GALK2: variants seen among roughly 807,000 people sequenced by gnomAD.
The protein encoded by GALK2 is N-acetylgalactosamine kinase.
A neutral mutation model predicts 52.4 loss-of-function variants in GALK2; 36 were observed. That is an observed-to-expected ratio of 0.69 (90% CI 0.53 to 0.91). The LOEUF is 0.91. GALK2 is among the 40% of genes least tolerant of loss of function. The pLI is 0.00. For synonymous variants in GALK2, 176 were observed against 199.1 expected (o/e 0.88, Z 0.98); for missense variants, 579 against 559.1 (o/e 1.04, Z -0.36).
chr15:49,195,251 T>G, intron 1 of GALK2: 1 of 338,992 alleles, frequency 2.9e-6, no homozygotes, highest in Non-Finnish European at 5.8e-6. Flanking sequence ...TTTTGTATTT[T>G]TAGTAGAGAT....
intron 1 of GALK2, among the ~76,000 whole-genome samples, chr15:49,200,260 A>G (rs2087623910): frequency 6.6e-6 from 1 of 152,168 alleles, no homozygotes; most frequent in South Asian, 2.1e-4. Context: ...GCCAAGAGAA[A>G]ATGATTTGCC....
intron 5 of GALK2, among the ~76,000 whole-genome samples, chr15:49,240,444 A>G (rs1347075592): frequency 1.3e-5 from 2 of 152,200 alleles, no homozygotes; most frequent in Admixed American, 6.5e-5. Flanking sequence ...CTCAACTTTC[A>G]CTATGCTTAT....
At chr15:49,256,063 C>A (rs541686223) in intron 5 of GALK2, among the ~76,000 whole-genome samples, 7 of 152,170 alleles carry the variant, frequency 4.6e-5, no homozygotes, top group Non-Finnish European at 1.0e-4. Context: ...ATTTCACTTG[C>A]AGTCACTTAG....
chr15:49,251,422 A>G (rs1289254288), intron 5 of GALK2, among the ~76,000 whole-genome samples: 1 of 152,142 alleles, frequency 6.6e-6, no homozygotes, highest in Non-Finnish European at 1.5e-5. Context: ...TGCCTTTGGG[A>G]ATTAGGGAAG....
At chr15:49,364,838 G>C (rs1257060849) in intron 3 of GALK2, among the ~76,000 whole-genome samples, 1 of 151,698 alleles carries the variant, frequency 6.6e-6, no homozygotes, top group African/African-American at 2.4e-5. Flanking sequence ...AAAAGCATAG[G>C]GATGGGTCAA....
intron 3 of GALK2, among the ~76,000 whole-genome samples, chr15:49,363,943 C>G (rs1364074714): frequency 6.6e-6 from 1 of 152,056 alleles, no homozygotes; most frequent in Non-Finnish European, 1.5e-5. Flanking sequence ...GTTGCATGAA[C>G]CTTGTGTCCA....
chr15:49,263,975 C>G (rs1344399804), intron 5 of GALK2, among the ~76,000 whole-genome samples: 1 of 151,792 alleles, frequency 6.6e-6, no homozygotes, highest in Admixed American at 6.6e-5. Flanking sequence ...GAGGGTAACC[C>G]GACCTTTCTC....
chr15:49,168,176 A>C (rs1263430044), upstream of GALK2, among the ~76,000 whole-genome samples: 1 of 152,222 alleles, frequency 6.6e-6, no homozygotes, highest in Non-Finnish European at 1.5e-5. Flanking sequence ...GGTTTTGTTG[A>C]GACTGCAATA....
intron 8 of GALK2, among the ~76,000 whole-genome samples, chr15:49,304,553 A>G (rs990040341): frequency 6.6e-6 from 1 of 152,186 alleles, no homozygotes; most frequent in Admixed American, 6.5e-5. Flanking sequence ...CATCACCCCT[A>G]TGCTCATTCG....
rs530008794 is a variant in GALK2, at chr15:49,275,551, T to A, written c.505-6436T>A. Reference sequence around the variant, plus strand: ...ATGGCAGCTGACTATAACAGTATAATTTTGTCTTGGTTAGAGCCTTGTGTT... The same window carrying A: ...ATGGCAGCTGACTATAACAGTATAAATTTGTCTTGGTTAGAGCCTTGTGTT... On this transcript the variant is annotated intron_variant, in intron 5 of 9. Transcript: ENST00000560031. Among the ~76,000 whole-genome samples the A allele has an allele frequency of 2.6e-5, 4 of 152,338 alleles. No individual in the cohort carries two copies. In the East Asian group the frequency reaches 7.7e-4, roughly 29 times the overall value.
At chr15:49,366,180 C>A in intron 3 of GALK2, 1 of 833,312 alleles carries the variant, frequency 1.2e-6, no homozygotes, top group South Asian at 1.3e-5. Context: ...ATAGTATAAT[C>A]AAAGTTAGGC....
At chr15:49,360,004 C>T (rs1005530464) in intron 3 of GALK2, among the ~76,000 whole-genome samples, 1 of 147,200 alleles carries the variant, frequency 6.8e-6, no homozygotes, top group Non-Finnish European at 1.5e-5. Context: ...AAACCAAACA[C>T]CGCATATTCT....
chr15:49,311,443 T>G (rs962778195), intron 8 of GALK2, among the ~76,000 whole-genome samples: 10 of 152,234 alleles, frequency 6.6e-5, no homozygotes, highest in Non-Finnish European at 1.2e-4. Flanking sequence ...GTTGCTTCTA[T>G]TTCTTTATCC....
chr15:49,330,749 A>AG lies in GALK2; in HGVS notation c.*2590_*2591insG, dbSNP rs539042143. On this transcript the variant is annotated 3_prime_UTR_variant, in exon 10 of 10. Coordinates refer to ENST00000560031, the MANE Select transcript of GALK2 (RefSeq NM_002044.4). ...AATAGTAGGGAAGATAGACCAAAAAAAAAAAAAAAGAGAGAAAGAATGAAT... is the reference window on the plus strand; with the variant it reads ...AATAGTAGGGAAGATAGACCAAAAAAGAAAAAAAAAGAGAGAAAGAATGAAT... 6.6e-6 allele frequency: 1 copy of AG among 152,192 alleles called. No homozygotes were observed. Among genetic ancestry groups the AG allele is most frequent in the East Asian group, 1.9e-4 (1 of 5,180 alleles). 9.4% of individuals were successfully genotyped at this position (152,192 alleles called of 1,614,324 possible).
rs537095892 is a variant in GALK2, at chr15:49,297,289, CTTG to C, written c.967+4756_967+4758del. Among the ~76,000 whole-genome samples the C allele has an allele frequency of 2.0e-4, 30 of 152,128 alleles. No individual in the cohort carries two copies. In the East Asian group the frequency reaches 5.8e-3, roughly 29 times the overall value. ...TTTTAATGGAGTTATTTGTTTCTTGCTTGTTGATTTGTTTACCTTTTTCATAGA... is the reference window on the plus strand; with the variant it reads ...TTTTAATGGAGTTATTTGTTTCTTGCTTGATTTGTTTACCTTTTTCATAGA... On this transcript the variant is annotated intron_variant, in intron 8 of 9. Transcript: ENST00000560031.
At chr15:49,364,071 G>A (rs1010395215) in intron 3 of GALK2, among the ~76,000 whole-genome samples, 1 of 151,966 alleles carries the variant, frequency 6.6e-6, no homozygotes, top group Non-Finnish European at 1.5e-5. Flanking sequence ...TTGGCCAGAT[G>A]TTTTCTTTTT....
At chr15:49,258,794 ATGTGTG>A (rs35306007) in intron 5 of GALK2, among the ~76,000 whole-genome samples, 103 of 103,762 alleles carry the variant, frequency 9.9e-4, no homozygotes, top group Middle Eastern at 4.9e-3. Flanking sequence ...ATATATATAT[ATGTGTG>A]TGTGTGTGTG....
chr15:49,241,205 T>C (rs1200827991), intron 5 of GALK2, among the ~76,000 whole-genome samples: 1 of 152,146 alleles, frequency 6.6e-6, no homozygotes, highest in Non-Finnish European at 1.5e-5. Flanking sequence ...GAAAAAAATA[T>C]GAAGGTCAGG....
chr15:49,366,314 G>A (rs1006330304), intron 3 of GALK2: 9 of 787,230 alleles, frequency 1.1e-5, no homozygotes, highest in Non-Finnish European at 1.9e-5. Context: ...TCTGTTACCT[G>A]AGGTAGGAAA....
Sources: gnomAD v4.1 joint callset for allele counts (sites outside exome capture counted in the v4.1 genomes callset) on GRCh38, gnomAD v4.1.1 for gene constraint, MANE v1.5 for transcripts, NCBI Gene and HGNC (gene_info 2026-07-23, HGNC 2026-07-21) for gene names.